The following SRC variants were observed in gnomAD, a reference collection of about 807,000 sequenced individuals.
The protein encoded by SRC is proto-oncogene tyrosine-protein kinase Src.
A neutral mutation model predicts 62.9 loss-of-function variants in SRC; 13 were observed. The observed-to-expected ratio is 0.21, with a 90% CI of 0.13 to 0.33. The LOEUF (loss-of-function observed/expected upper bound fraction) is 0.33, where lower values mean the gene tolerates loss of function less well. Among genes scored for constraint, SRC ranks in the 10% least tolerant of loss-of-function variants. SRC has a pLI of 1.00. For synonymous variants in SRC, 302 were observed against 317.5 expected (o/e 0.95, Z 0.52); for missense variants, 457 against 737.3 (o/e 0.62, Z 4.40).
rs1171621545 is a variant in SRC at position 37,384,489 on chromosome 20, C to T, written c.250+86C>T. The T allele has an allele frequency of 2.4e-6, 3 of 1,252,018 alleles. No individual in the cohort carries two copies. The highest frequency in any genetic ancestry group is 3.4e-5 in the East Asian group (1 of 29,388). The allele number at this position is 1,252,018 out of a possible 1,614,324, so 77.6% of individuals were successfully genotyped here. The stretch of plus-strand genomic sequence containing the variant: ...GGCTGTGTGCCCGGGGTCGCCCCCT[C>T]TGCGCAGGCCCTTCCTCTCGCCAGG... On this transcript the variant is annotated intron_variant, in intron 4 of 13. Coordinates refer to ENST00000373578, the MANE Select transcript of SRC (RefSeq NM_198291.3). The surrounding 1 kb of genome is among the most constrained non-coding windows in gnomAD (Gnocchi z 6.7).
At position 37,402,349 on chromosome 20, in the gene SRC, G is replaced by T; in HGVS notation, c.1117-86G>T. On this transcript the variant is annotated intron_variant, in intron 11 of 13. Coordinates refer to ENST00000373578, the MANE Select transcript of SRC (RefSeq NM_198291.3). This position sits in a 1 kb window ranked among gnomAD's most constrained non-coding sequence, Gnocchi z 6.2. The stretch of plus-strand genomic sequence containing the variant: ...AGTGTGGGGAGGGTGGGGAAGGGGT[G>T]GTTGGCTCTCCAGCCCCAGAGTGCT... The T allele has an allele frequency of 1.3e-6, 2 of 1,521,196 alleles. No homozygotes were observed. The highest frequency in any genetic ancestry group is 1.8e-6 in the Non-Finnish European group (2 of 1,124,176). 94.2% of individuals were successfully genotyped at this position (1,521,196 alleles called of 1,614,324 possible).
At chr20:37,350,364 C>T (rs59135392) in intron 1 of SRC, among the ~76,000 whole-genome samples, 1 of 152,240 alleles carries the variant, frequency 6.6e-6, no homozygotes, top group African/African-American at 2.4e-5. Flanking sequence ...TCAAGTCCTG[C>T]CTCCTCTGGC....
chr20:37,384,784 G>A lies in SRC; in HGVS notation c.250+381G>A, dbSNP rs2070425143. On this transcript the variant is annotated intron_variant, in intron 4 of 13. Transcript: ENST00000373578. This position sits in a 1 kb window ranked among gnomAD's most constrained non-coding sequence, Gnocchi z 6.7. ...ACGCGCGGCCCACGTGCGGCGGAGGGGCAGCTGGGTCGCTCGGGGAACGGG... is the reference window on the plus strand; with the variant it reads ...ACGCGCGGCCCACGTGCGGCGGAGGAGCAGCTGGGTCGCTCGGGGAACGGG... Among the ~76,000 whole-genome samples the A allele has an allele frequency of 1.3e-5, 2 of 152,322 alleles. No individual in the cohort carries two copies. Among genetic ancestry groups the A allele is most frequent in the East Asian group, 3.9e-4 (2 of 5,182 alleles).
chr20:37,386,286 G>A, intron 5 of SRC, 112 bp downstream of exon 5: 1 of 1,082,160 alleles, frequency 9.2e-7, no homozygotes, highest in Non-Finnish European at 1.4e-6. Flanking sequence ...GCCCAGGGCA[G>A]TGCGAAGCCC....
chr20:37,396,084 G>A lies in SRC; in HGVS notation c.554-78G>A. Reference sequence around the variant, plus strand: ...CCTCCCTTCCCTCCAATGTCAGGCAGGCACAGAACGGTGTCCAGAGCAGCG... The same window carrying A: ...CCTCCCTTCCCTCCAATGTCAGGCAAGCACAGAACGGTGTCCAGAGCAGCG... On this transcript the variant is annotated intron_variant, in intron 7 of 13. Coordinates refer to ENST00000373578, the MANE Select transcript of SRC (RefSeq NM_198291.3). This position sits in a 1 kb window ranked among gnomAD's most constrained non-coding sequence, Gnocchi z 6.1. 1 of 1,550,652 alleles carries A rather than the reference G, an allele frequency of 6.4e-7. No individual in the cohort carries two copies. Among genetic ancestry groups the A allele is most frequent in the African/African-American group, 1.3e-5 (1 of 74,100 alleles).
At chr20:37,364,139 C>T (rs978124903) in intron 1 of SRC, among the ~76,000 whole-genome samples, 1 of 152,196 alleles carries the variant, frequency 6.6e-6, no homozygotes, top group Non-Finnish European at 1.5e-5. Flanking sequence ...ACCCTGGGCC[C>T]TTCTGAGAGG....
At chr20:37,376,088 G>C (rs999973777) in intron 2 of SRC, among the ~76,000 whole-genome samples, 1 of 152,216 alleles carries the variant, frequency 6.6e-6, no homozygotes, top group Non-Finnish European at 1.5e-5. Context: ...TGGGGTGGGG[G>C]ATGCACATTC....
chr20:37,389,731 A>G (rs2070515284), intron 5 of SRC, among the ~76,000 whole-genome samples: 1 of 152,184 alleles, frequency 6.6e-6, no homozygotes, highest in African/African-American at 2.4e-5. Flanking sequence ...GCTGGCCCCA[A>G]GGATTAGGGC....
chr20:37,386,131 C>T lies in SRC; in HGVS notation c.307C>T (p.Leu103=), dbSNP rs2070451832. ...CTATGAGTCTAGGACGGAGACAGAC[C>T]TGTCCTTCAAGAAAGGCGAGCGGCT... ...YDYESRTETD[L]SFKKGERLQI... The change falls in exon 5 of 14, where the codon CTG becomes TTG. Residue 103 remains leucine (L), a synonymous_variant. Transcript: ENST00000373578. The T allele has an allele frequency of 1.9e-6, 3 of 1,614,114 alleles. No individual in the cohort carries two copies. In the Admixed American group the frequency reaches 5.0e-5, roughly 27 times the overall value.
rs931978309 is a variant in SRC, at chr20:37,365,370, A to G, written c.-173+93A>G. 5 of 139,440 alleles carry G rather than the reference A, an allele frequency of 3.6e-5. No individual in the cohort carries two copies. The East Asian group carries it at 6.4e-4, about 18-fold the overall frequency. The allele number at this position is 139,440 out of a possible 1,614,324, so 8.6% of individuals were successfully genotyped here. ...CACACACACACACACACACACACAC[A>G]CGACAGGGAAAAGTAAGCCTCTCTC... On this transcript the variant is annotated intron_variant, in intron 2 of 13. Coordinates refer to ENST00000373578, the MANE Select transcript of SRC (RefSeq NM_198291.3).
At chr20:37,356,723 T>C (rs2146917838) in intron 1 of SRC, among the ~76,000 whole-genome samples, 1 of 152,124 alleles carries the variant, frequency 6.6e-6, no homozygotes, top group Admixed American at 6.5e-5. Context: ...AGGGCAAAGC[T>C]CCCCGACGTG....
chr20:37,369,602 C>T (rs543534735), intron 2 of SRC, among the ~76,000 whole-genome samples: 1 of 152,170 alleles, frequency 6.6e-6, no homozygotes, highest in Admixed American at 6.5e-5. Flanking sequence ...TTTCCTTCTT[C>T]CTTTCTAATC....
intron 2 of SRC, among the ~76,000 whole-genome samples, chr20:37,374,476 C>A (rs2070245550): frequency 6.6e-6 from 1 of 151,968 alleles, no homozygotes; most frequent in Admixed American, 6.6e-5. Flanking sequence ...TAATTCCCTG[C>A]CACTTTACTT....
intron 1 of SRC, among the ~76,000 whole-genome samples, chr20:37,360,218 CTTTTTTTTTT>C (rs61476973): frequency 9.5e-6 from 1 of 105,632 alleles, no homozygotes; most frequent in African/African-American, 4.8e-5. Context: ...CTCTCTCTCT[CTTTTTTTTTT>C]TTTTTTTTTT....
Position 37,396,164 on chromosome 20 carries a change from G to T in SRC, c.556G>T (p.Ala186Ser). The T allele has an allele frequency of 6.2e-7, 1 of 1,612,356 alleles. No homozygotes were observed. ...LVRESETTKG[A>S]YCLSVSDFDN... The stretch of plus-strand genomic sequence containing the variant: ...CGGCTCCCCTCGGTGCCCCGCAGGT[G>T]CCTACTGCCTCTCAGTGTCTGACTT... Residue 186 changes from alanine to serine, a missense_variant and splice_region_variant, in exon 8 of 14, where the codon GCC (alanine) becomes TCC (serine). Physicochemically the swap from Ala to Ser is moderately conservative, Grantham distance 99. Around this residue, in one of 4 missense-constraint regions of SRC, gnomAD observed 141 missense variants for 198.4 expected, o/e 0.71. Coordinates refer to ENST00000373578, the MANE Select transcript of SRC (RefSeq NM_198291.3). This position sits in a 1 kb window ranked among gnomAD's most constrained non-coding sequence, Gnocchi z 6.1.
chr20:37,356,930 G>A (rs887044294), intron 1 of SRC, among the ~76,000 whole-genome samples: 3 of 152,110 alleles, frequency 2.0e-5, no homozygotes, highest in Non-Finnish European at 2.9e-5. Context: ...TTCCCCATCC[G>A]CAAAAATGGG....
chr20:37,349,887 C>T (rs946233881), intron 1 of SRC, among the ~76,000 whole-genome samples: 13 of 152,342 alleles, frequency 8.5e-5, no homozygotes, highest in African/African-American at 2.2e-4. Flanking sequence ...AGCCTGCCTT[C>T]GGTGTGATTG....
chr20:37,373,085 T>C (rs111705525), intron 2 of SRC, among the ~76,000 whole-genome samples: 8,607 of 150,352 alleles, frequency 0.057, 302 homozygotes, highest in Middle Eastern at 0.062. Context: ...CATATATACA[T>C]ATATAAATAC....
Position 37,384,369 on chromosome 20 carries a change from C to G in SRC, c.216C>G (p.Thr72=). 3 of 1,459,662 alleles carry G rather than the reference C, an allele frequency of 2.1e-6. No homozygotes were observed. The highest frequency in any genetic ancestry group is 2.7e-6 in the Non-Finnish European group (3 of 1,111,102). 90.4% of individuals were successfully genotyped at this position (1,459,662 alleles called of 1,614,324 possible). Residue 72 remains threonine, a synonymous_variant, in exon 4 of 14, where the codon ACC becomes ACG. Transcript: ENST00000373578. The surrounding 1 kb of genome is among the most constrained non-coding windows in gnomAD (Gnocchi z 6.7). ...KLFGGFNSSD[T]VTSPQRAGPL... Reference sequence around the variant, plus strand: ...TCGGAGGCTTCAACTCCTCGGACACCGTCACCTCCCCGCAGAGGGCGGGCC... The same window carrying G: ...TCGGAGGCTTCAACTCCTCGGACACGGTCACCTCCCCGCAGAGGGCGGGCC...
Sources: gnomAD v4.1 joint callset for allele counts (sites outside exome capture counted in the v4.1 genomes callset) on GRCh38, gnomAD v4.1.1 for gene constraint, gnomAD v4.1.1 regional missense constraint, Gnocchi (gnomAD v3.1) non-coding constraint, MANE v1.5 for transcripts, NCBI Gene and HGNC (gene_info 2026-07-23, HGNC 2026-07-21) for gene names.